ESR1: variants seen among roughly 807,000 people sequenced by gnomAD.
ESR1 encodes the protein estrogen receptor.
ESR1 carries 12 observed loss-of-function variants against 52.7 expected under a neutral mutation model. The observed-to-expected ratio is 0.23, with a 90% CI of 0.15 to 0.37. The LOEUF (loss-of-function observed/expected upper bound fraction) is 0.37. Among genes scored for constraint, ESR1 ranks in the 10% least tolerant of loss-of-function variants. The pLI is 1.00. For synonymous variants in ESR1, 305 were observed against 316.8 expected (o/e 0.96, Z 0.39); for missense variants, 584 against 779.7 (o/e 0.75, Z 2.99).
intron 2 of ESR1, among the ~76,000 whole-genome samples, chr6:151,854,242 G>A (rs973210354): frequency 5.3e-5 from 8 of 152,064 alleles, no homozygotes; most frequent in African/African-American, 1.7e-4. Context: ...CAACATGTAA[G>A]GAAAATCTAT....
intron 6 of ESR1, among the ~76,000 whole-genome samples, chr6:152,093,171 G>C (rs962386381): frequency 6.6e-6 from 1 of 151,952 alleles, no homozygotes; most frequent in African/African-American, 2.4e-5. Flanking sequence ...CAGCTACTTG[G>C]GAGGCTGAGG....
At position 152,086,807 on chromosome 6, in the gene ESR1, G is replaced by C. The variant is rs536022283; in HGVS notation, c.1370-7578G>C. 1.4e-4 allele frequency among the ~76,000 whole-genome samples: 22 copies of C among 152,130 alleles called. 1 individual carries two copies. The highest frequency in any genetic ancestry group is 5.1e-4 in the African/African-American group (21 of 41,490). The stretch of plus-strand genomic sequence containing the variant: ...TGTCGTCTCTCTTTGAGACCTCTTA[G>C]AGAGGACTTTGATGAGTGTATGGTC... On this transcript the variant is annotated intron_variant, in intron 6 of 7. Transcript: ENST00000206249.
chr6:151,867,442 C>CACAA (rs1491456455), intron 2 of ESR1, among the ~76,000 whole-genome samples: 2 of 150,992 alleles, frequency 1.3e-5, no homozygotes, highest in Non-Finnish European at 2.9e-5. Context: ...CACACACACA[C>CACAA]AAACAACCCC....
chr6:151,851,059 G>A (rs1423690916), intron 2 of ESR1, among the ~76,000 whole-genome samples: 1 of 152,110 alleles, frequency 6.6e-6, no homozygotes, highest in African/African-American at 2.4e-5. Flanking sequence ...CCCATGGAAT[G>A]GTCCTTAAAC....
At chr6:152,125,416 T>G (rs2053058394) in exon 7 of ESR1, 2 of 1,499,514 alleles carry the variant, frequency 1.3e-6, no homozygotes, top group Non-Finnish European at 9.0e-7. Flanking sequence ...GTGGGGACAT[T>G]TTGTTTTGAG....
At chr6:152,013,958 T>A (rs1286508075) in intron 5 of ESR1, among the ~76,000 whole-genome samples, 1 of 152,100 alleles carries the variant, frequency 6.6e-6, no homozygotes, top group African/African-American at 2.4e-5. Context: ...ATAGTTCCCA[T>A]GTGTCATGGG....
intron 4 of ESR1, among the ~76,000 whole-genome samples, chr6:151,950,630 A>C (rs1397903920): frequency 6.6e-6 from 1 of 152,176 alleles, no homozygotes; most frequent in Non-Finnish European, 1.5e-5. Flanking sequence ...GATGATATGA[A>C]GAGACACAGG....
rs545693377 is a variant in ESR1 at position 152,002,288 on chromosome 6, G to A, written c.1097-9368G>A. Reference sequence around the variant, plus strand: ...CTTCATGGAGGGTCTTGAGCTGGGTGGAGATGGGAGGAAGCTATCCTTGTC... The same window carrying A: ...CTTCATGGAGGGTCTTGAGCTGGGTAGAGATGGGAGGAAGCTATCCTTGTC... On this transcript the variant is annotated intron_variant, in intron 4 of 7. Coordinates refer to ENST00000206249, the MANE Select transcript of ESR1 (RefSeq NM_000125.4). 5.5e-4 allele frequency among the ~76,000 whole-genome samples: 83 copies of A among 151,790 alleles called. 1 individual carries two copies. The highest frequency in any genetic ancestry group is 1.9e-3 in the African/African-American group (80 of 41,424).
chr6:151,886,643 T>C (rs927532472), intron 3 of ESR1, among the ~76,000 whole-genome samples: 28 of 152,228 alleles, frequency 1.8e-4, no homozygotes, highest in Admixed American at 1.3e-3. Context: ...GTTTAATATT[T>C]ATCACTATGA....
At chr6:151,888,094 T>C (rs1328307778) in intron 3 of ESR1, among the ~76,000 whole-genome samples, 5 of 152,198 alleles carry the variant, frequency 3.3e-5, no homozygotes, top group African/African-American at 1.2e-4. Flanking sequence ...TTGAGTCAGG[T>C]AGTGTTATGC....
intron 2 of ESR1, among the ~76,000 whole-genome samples, chr6:151,851,889 G>GAA (rs1168918415): frequency 1.3e-5 from 2 of 152,118 alleles, no homozygotes; most frequent in Admixed American, 6.6e-5. Context: ...CCAGAGAAGG[G>GAA]AAAGAATCAA....
intron 1 of ESR1, among the ~76,000 whole-genome samples, chr6:151,816,979 C>A (rs1200474547): frequency 6.6e-6 from 1 of 152,044 alleles, no homozygotes. Flanking sequence ...GAAGCAATCC[C>A]AGAGAGGGAA....
chr6:151,927,260 G>A (rs2032898512), intron 3 of ESR1, among the ~76,000 whole-genome samples: 2 of 152,090 alleles, frequency 1.3e-5, no homozygotes, highest in South Asian at 4.2e-4. Context: ...ATTTTGTTGA[G>A]ATTTTGTGCC....
At chr6:151,964,671 T>G (rs1046984449) in intron 4 of ESR1, among the ~76,000 whole-genome samples, 2 of 150,634 alleles carry the variant, frequency 1.3e-5, no homozygotes, top group African/African-American at 4.9e-5. Flanking sequence ...AGATGGAGTC[T>G]CACTCTGTCA....
At chr6:151,708,467 G>A (rs987665347) in intron 2 of ESR1, among the ~76,000 whole-genome samples, 1 of 152,046 alleles carries the variant, frequency 6.6e-6, no homozygotes, top group African/African-American at 2.4e-5. Context: ...TAAAAGGTAT[G>A]TGTATTTTTA....
chr6:151,743,220 G>A (rs1999806), intron 2 of ESR1, among the ~76,000 whole-genome samples: 67,155 of 151,894 alleles, frequency 0.44, 16,463 homozygotes, highest in Non-Finnish European at 0.55. Context: ...AGGCCTGGTG[G>A]GAGGGGAGGT....
At chr6:151,719,413 C>T (rs560897601) in intron 2 of ESR1, among the ~76,000 whole-genome samples, 2 of 152,186 alleles carry the variant, frequency 1.3e-5, no homozygotes, top group African/African-American at 2.4e-5. Context: ...ACATGAAGGA[C>T]ATGAGGAAGT....
At chr6:151,724,717 C>T (rs954267961) in intron 2 of ESR1, among the ~76,000 whole-genome samples, 7 of 152,158 alleles carry the variant, frequency 4.6e-5, no homozygotes, top group Non-Finnish European at 7.3e-5. Context: ...AAGCCAACTC[C>T]ATCCTGAAGA....
At chr6:151,973,090 C>T (rs952965671) in intron 4 of ESR1, among the ~76,000 whole-genome samples, 3 of 152,292 alleles carry the variant, frequency 2.0e-5, no homozygotes, top group Admixed American at 2.0e-4. Flanking sequence ...AAATGTTAAT[C>T]TCCTTTGGCA....
Sources: gnomAD v4.1 joint callset for allele counts (sites outside exome capture counted in the v4.1 genomes callset) on GRCh38, gnomAD v4.1.1 for gene constraint, MANE v1.5 for transcripts, NCBI Gene and HGNC (gene_info 2026-07-23, HGNC 2026-07-21) for gene names.